Variants in RAVER2 observed in about 807,000 individuals in gnomAD.
The protein encoded by RAVER2 is ribonucleoprotein, PTB binding 2.
RAVER2 carries 46 observed loss-of-function variants against 78.1 expected under a neutral mutation model. That is an observed-to-expected ratio of 0.59 (90% CI 0.46 to 0.75). RAVER2 has a LOEUF of 0.75. RAVER2 is among the 30% of genes least tolerant of loss of function. RAVER2 has a pLI of 0.00. For missense variants in RAVER2, 793 were observed against 837.5 expected (o/e 0.95, Z 0.66); for synonymous variants, 311 against 313.3 (o/e 0.99, Z 0.08).
Position 64,789,381 on chromosome 1 carries a change from AT to A in RAVER2, c.979-5del. 1 of 1,590,670 alleles carries A rather than the reference AT, an allele frequency of 6.3e-7. No individual in the cohort carries two copies. Among genetic ancestry groups the A allele is most frequent in the South Asian group, 1.2e-5 (1 of 86,662 alleles). On this transcript the variant is annotated splice_region_variant and splice_polypyrimidine_tract_variant and intron_variant, in intron 4 of 11. Transcript: ENST00000294428. ...TCTAATGTTTCTTATTTCTATATTCATTGCAGATGCACAGTAATCAAAAGGG... is the reference window on the plus strand; with the variant it reads ...TCTAATGTTTCTTATTTCTATATTCATGCAGATGCACAGTAATCAAAAGGG...
intron 11 of RAVER2, among the ~76,000 whole-genome samples, chr1:64,818,902 C>T (rs1257982959): frequency 6.6e-6 from 1 of 152,136 alleles, no homozygotes; most frequent in Non-Finnish European, 1.5e-5. Flanking sequence ...CTGAGGAAAA[C>T]TCCAAGGGAC....
chr1:64,807,251 GCATGTTAC>G lies in RAVER2; in HGVS notation c.1461_1468del (p.Met487IlefsTer17). 6.2e-6 allele frequency: 10 copies of G among 1,614,096 alleles called. No individual in the cohort carries two copies. Among genetic ancestry groups the G allele is most frequent in the Non-Finnish European group, 8.5e-6 (10 of 1,179,998 alleles). ...CAAACAACGATAACAGCTGGAATGG[GCATGTTAC>G]CATTCTTTCCAAATCAGCACATTGC... On this transcript the variant is annotated frameshift_variant, in exon 9 of 12. Coordinates refer to ENST00000294428, the Ensembl canonical transcript of RAVER2. LOFTEE classifies it high-confidence loss of function.
intron 5 of RAVER2, among the ~76,000 whole-genome samples, chr1:64,795,965 T>G (rs1248817005): frequency 6.6e-6 from 1 of 152,018 alleles, no homozygotes; most frequent in Non-Finnish European, 1.5e-5. Flanking sequence ...GCTGCGGAAT[T>G]TACCATCTAT....
intron 11 of RAVER2, among the ~76,000 whole-genome samples, chr1:64,829,461 G>A (rs572645313): frequency 2.0e-5 from 3 of 152,304 alleles, no homozygotes; most frequent in South Asian, 2.1e-4. Context: ...ACCTACCAGC[G>A]AAGGGGCCCT....
intron 1 of RAVER2, among the ~76,000 whole-genome samples, chr1:64,762,736 A>G (rs1239771729): frequency 6.6e-6 from 1 of 152,206 alleles, no homozygotes; most frequent in African/African-American, 2.4e-5. Flanking sequence ...TTCTATTAAG[A>G]TGGCTTATAG....
rs56179197 is a variant in RAVER2, at chr1:64,824,932, C to CAAAAAAAAAAAAAAAAAAAA, written c.1930-5899_1930-5880dup. On this transcript the variant is annotated intron_variant, in intron 11 of 11. Coordinates refer to ENST00000294428, the Ensembl canonical transcript of RAVER2. The stretch of plus-strand genomic sequence containing the variant: ...GGCAACAGAGCGAGACCCTGTCTCC[C>CAAAAAAAAAAAAAAAAAAAA]AAAAAAAAAAAAAAAAAAAAAAAAA... Among the ~76,000 whole-genome samples, 146 of 79,386 alleles carry CAAAAAAAAAAAAAAAAAAAA rather than the reference C, an allele frequency of 1.8e-3. 10 individuals carry two copies. Among genetic ancestry groups the CAAAAAAAAAAAAAAAAAAAA allele is most frequent in the African/African-American group, 6.8e-3 (87 of 12,874 alleles). The allele number at this position is 79,386 out of a possible 152,430, so 52.1% of individuals were successfully genotyped here.
chr1:64,816,431 T>C (rs1057406484), intron 11 of RAVER2: 10 of 152,240 alleles, frequency 6.6e-5, no homozygotes, highest in African/African-American at 1.9e-4. Flanking sequence ...TCTCGTGTTC[T>C]TTCTTCCTTA....
chr1:64,745,211 C>T lies in RAVER2; in HGVS notation c.39C>T (p.Gly13=), dbSNP rs1221733954. 5 of 1,056,696 alleles carry T rather than the reference C, an allele frequency of 4.7e-6. No individual in the cohort carries two copies. In the African/African-American group the frequency reaches 5.1e-5, roughly 11 times the overall value. 65.5% of individuals were successfully genotyped at this position (1,056,696 alleles called of 1,614,324 possible). A position where few individuals can be genotyped will look rare whatever the true frequency, so the allele number is the denominator to read the frequency against. ...CGGGAGACGGCGGCGGCGAGGGGGG[C>T]GCGGGCCTGGGCAGCGCGGCGGGGC... The change falls in exon 1 of 12, where the codon GGC becomes GGT. Residue 13 remains glycine (G), a synonymous_variant. Coordinates refer to ENST00000294428, the Ensembl canonical transcript of RAVER2. This position sits in a 1 kb window ranked among gnomAD's most constrained non-coding sequence, Gnocchi z 4.3.
At chr1:64,783,159 T>A (rs1399414535) in intron 4 of RAVER2, among the ~76,000 whole-genome samples, 5 of 152,230 alleles carry the variant, frequency 3.3e-5, no homozygotes, top group Admixed American at 6.5e-5. Context: ...GTTCCAAGTC[T>A]TTGCTATTGT....
intron 11 of RAVER2, among the ~76,000 whole-genome samples, chr1:64,821,534 A>T (rs904105785): frequency 6.6e-6 from 1 of 152,206 alleles, no homozygotes; most frequent in Non-Finnish European, 1.5e-5. Context: ...AGCAGTAGAA[A>T]TATGTATTCA....
intron 2 of RAVER2, among the ~76,000 whole-genome samples, chr1:64,775,655 A>ATG (rs1652440465): frequency 6.6e-6 from 1 of 152,196 alleles, no homozygotes. Flanking sequence ...TGGAGGAGAA[A>ATG]GAGCTAGCAA....
At chr1:64,770,198 T>C (rs951913805) in intron 2 of RAVER2, among the ~76,000 whole-genome samples, 3 of 152,022 alleles carry the variant, frequency 2.0e-5, no homozygotes, top group African/African-American at 7.2e-5. Context: ...CTCTGAGTCA[T>C]AGGTGTGCAC....
intron 4 of RAVER2, among the ~76,000 whole-genome samples, chr1:64,784,758 T>G (rs1652732333): frequency 6.6e-6 from 1 of 152,226 alleles, no homozygotes; most frequent in Admixed American, 6.5e-5. Flanking sequence ...TAAAACTATG[T>G]GAATCAAAAA....
chr1:64,802,955 T>G, intron 5 of RAVER2, 21 bp from the exon 6 acceptor site: 1 of 1,550,502 alleles, frequency 6.4e-7, no homozygotes, highest in Non-Finnish European at 8.8e-7. Context: ...AATTAAAGTT[T>G]TTACTTTTAT....
chr1:64,813,553 A>G (rs1653678022), intron 10 of RAVER2, among the ~76,000 whole-genome samples: 1 of 152,210 alleles, frequency 6.6e-6, no homozygotes, highest in African/African-American at 2.4e-5. Context: ...TAAATCCAAA[A>G]AAGTAAATTC....
At chr1:64,781,291 C>T in intron 3 of RAVER2, 89 bp from the exon 4 acceptor site, 1 of 1,256,998 alleles carries the variant, frequency 8.0e-7, no homozygotes, top group Non-Finnish European at 1.1e-6. Flanking sequence ...CTCCAATGCA[C>T]TTGTTCTTGA....
intron 2 of RAVER2, among the ~76,000 whole-genome samples, chr1:64,771,343 GA>G (rs1056895143): frequency 6.6e-6 from 1 of 151,868 alleles, no homozygotes; most frequent in African/African-American, 2.4e-5. Flanking sequence ...CAAAAACAGT[GA>G]TGAAATAGAG....
intron 9 of RAVER2, among the ~76,000 whole-genome samples, chr1:64,811,035 A>G (rs976627123): frequency 1.3e-5 from 2 of 152,222 alleles, no homozygotes; most frequent in African/African-American, 2.4e-5. Flanking sequence ...GTAATTTACT[A>G]CCATAACATG....
At chr1:64,781,473 G>C (rs886336373) in exon 4 of RAVER2, 1 of 1,613,932 alleles carries the variant, frequency 6.2e-7, no homozygotes, top group Admixed American at 1.7e-5. Context: ...GGCAGCAGAC[G>C]GTATGACCAT....
Sources: allele counts gnomAD v4.1 joint callset (sites outside exome capture counted in the v4.1 genomes callset), GRCh38; gene constraint gnomAD v4.1.1; non-coding constraint Gnocchi (gnomAD v3.1); transcripts MANE v1.5; gene names NCBI Gene and HGNC (gene_info 2026-07-23, HGNC 2026-07-21).